Variants in PRMT5 observed in about 807,000 individuals in gnomAD.
PRMT5 encodes the protein protein arginine N-methyltransferase 5.
PRMT5 carries 15 observed loss-of-function variants against 84.0 expected under a neutral mutation model. The ratio of observed to expected loss-of-function variants is 0.18; its 90% CI spans 0.12 to 0.28. The LOEUF (loss-of-function observed/expected upper bound fraction) is 0.28, where lower values mean the gene tolerates loss of function less well. PRMT5 is among the 10% of genes least tolerant of loss of function. The pLI is 1.00. For missense variants in PRMT5, 486 were observed against 808.0 expected, an observed-to-expected ratio of 0.60 and a Z score of 4.83; for synonymous variants, 276 against 292.4, an observed-to-expected ratio of 0.94 and a Z score of 0.57.
In PRMT5 at chr14:22,923,933, T is replaced by C; in HGVS notation, c.1375+75A>G. On this transcript the variant is annotated intron_variant, in intron 12 of 16. Coordinates refer to ENST00000324366, the MANE Select transcript of PRMT5 (RefSeq NM_006109.5). The surrounding 1 kb of genome is among the most constrained non-coding windows in gnomAD (Gnocchi z 5.2). ...GACCCAGGTCCAACCCACTTTCCCC[T>C]AAACCCTGTACCCTCCTCCCAGGTT... 1 of 1,493,874 alleles carries C rather than the reference T, an allele frequency of 6.7e-7. No homozygotes were observed. The highest frequency in any genetic ancestry group is 8.9e-7 in the Non-Finnish European group (1 of 1,120,444). The allele number at this position is 1,493,874 out of a possible 1,614,324, so 92.5% of individuals were successfully genotyped here. A position where few individuals can be genotyped will look rare whatever the true frequency, so the allele number is the denominator to read the frequency against.
intron 4 of PRMT5, among the ~76,000 whole-genome samples, chr14:22,927,079 C>G (rs539859546): frequency 6.7e-6 from 1 of 150,064 alleles, no homozygotes; most frequent in African/African-American, 2.5e-5. Flanking sequence ...GTGCGCAATA[C>G]TGACCTTTTT....
intron 6 of PRMT5, 43 bp downstream of exon 6, chr14:22,926,463 G>A (rs1214837232): frequency 6.2e-7 from 1 of 1,607,638 alleles, no homozygotes; most frequent in African/African-American, 1.3e-5. Context: ...ATTCACAGGA[G>A]GTAAGAGAAG....
Position 22,927,009 on chromosome 14 carries a change from T to A in PRMT5, c.451-195A>T, listed in dbSNP as rs1226052731. ...ATATCTGCCTTGTCTTACGTAAGTT[T>A]CCAAAATAATTACATTTACATGTTT... On this transcript the variant is annotated intron_variant, in intron 4 of 16. Transcript: ENST00000324366. The A allele has an allele frequency of 6.9e-6, 4 of 579,676 alleles. No homozygotes were observed. In the East Asian group the frequency reaches 1.1e-4, roughly 17 times the overall value. 35.9% of individuals were successfully genotyped at this position (579,676 alleles called of 1,614,324 possible). A position where few individuals can be genotyped will look rare whatever the true frequency, so the allele number is the denominator to read the frequency against.
At position 22,923,225 on chromosome 14, in the gene PRMT5, G is replaced by T; in HGVS notation, c.1376-65C>A. Reference sequence around the variant, plus strand: ...AAATGGTATGTCTGTACTAACTGAAGGATCAGAAGGATCAAACCTCCCATG... The same window carrying T: ...AAATGGTATGTCTGTACTAACTGAATGATCAGAAGGATCAAACCTCCCATG... On this transcript the variant is annotated intron_variant, in intron 12 of 16. Transcript: ENST00000324366. This position sits in a 1 kb window ranked among gnomAD's most constrained non-coding sequence, Gnocchi z 5.2. 1.6e-6 allele frequency: 2 copies of T among 1,223,130 alleles called. No homozygotes were observed. The highest frequency in any genetic ancestry group is 2.3e-6 in the Non-Finnish European group (2 of 880,596). 75.8% of individuals were successfully genotyped at this position (1,223,130 alleles called of 1,614,324 possible). A position where few individuals can be genotyped will look rare whatever the true frequency, so the allele number is the denominator to read the frequency against.
Position 22,922,509 on chromosome 14 carries a change from C to T in PRMT5, c.1630G>A (p.Val544Met), listed in dbSNP as rs758252400. The T allele has an allele frequency of 2.5e-6, 4 of 1,614,074 alleles. No homozygotes were observed. Among genetic ancestry groups the T allele is most frequent in the Non-Finnish European group, 3.4e-6 (4 of 1,180,024 alleles). Residue 544 changes from valine (V) to methionine (M), a missense_variant, in exon 15 of 17, where the codon GTG becomes ATG. By Grantham distance (21) the Val-to-Met change is conservative. Coordinates refer to ENST00000324366, the MANE Select transcript of PRMT5 (RefSeq NM_006109.5). ...RYCTLEFPVE[V>M]NTVLHGFAGY... is the part of the protein sequence containing the mutation. ...GCAAAGCCATGTAGTACTGTGTTCACCTCCACAGGAAATTCCAAGGTGCAA... is the reference window on the plus strand; with the variant it reads ...GCAAAGCCATGTAGTACTGTGTTCATCTCCACAGGAAATTCCAAGGTGCAA...
intron 16 of PRMT5, 31 bp from the exon 17 acceptor site, chr14:22,921,087 T>C (rs1594507015): frequency 6.2e-7 from 1 of 1,612,164 alleles, no homozygotes; most frequent in Non-Finnish European, 8.5e-7. Flanking sequence ...AGGTTCAGGG[T>C]GAAGCTATGA....
Position 22,928,642 on chromosome 14 carries a change from T to C in PRMT5, c.111-27A>G, listed in dbSNP as rs1419035919. 1 of 1,540,636 alleles carries C rather than the reference T, an allele frequency of 6.5e-7. No individual in the cohort carries two copies. The highest frequency in any genetic ancestry group is 9.0e-7 in the Non-Finnish European group (1 of 1,113,218). The stretch of plus-strand genomic sequence containing the variant: ...TACAACCGCGACAGACCCAGAATCA[T>C]GTAAAGACAGCAGCAGTGCCAGAGA... On this transcript the variant is annotated intron_variant, in intron 1 of 16. Transcript: ENST00000324366. This position sits in a 1 kb window ranked among gnomAD's most constrained non-coding sequence, Gnocchi z 4.8.
chr14:22,925,873 C>G (rs2044408127), intron 7 of PRMT5, among the ~76,000 whole-genome samples: 1 of 151,908 alleles, frequency 6.6e-6, no homozygotes. Flanking sequence ...GTATCAACAC[C>G]CAAACAGCCT....
chr14:22,925,025 T>G lies in PRMT5; in HGVS notation c.793A>C (p.Ile265Leu), dbSNP rs2044386452. The G allele has an allele frequency of 6.2e-7, 1 of 1,613,874 alleles. No individual in the cohort carries two copies. The highest frequency in any genetic ancestry group is 8.5e-7 in the Non-Finnish European group (1 of 1,179,972). ...GAGTGGTGGTTGGTGCCTGTGATGA[T>G]GAACTGCACCTCCAACTGTGAGAAA... ...FRLLKLEVQF[I>L]ITGTNHHSEK... The change falls in exon 8 of 17, where the codon ATC becomes CTC. Residue 265 changes from isoleucine to leucine, a missense_variant. Around this residue, in one of 4 missense-constraint regions of PRMT5, gnomAD observed 215 missense variants for 301.1 expected, o/e 0.71. Transcript: ENST00000324366.
intron 1 of PRMT5, 137 bp downstream of exon 1, chr14:22,929,115 C>A: frequency 6.2e-7 from 1 of 1,604,802 alleles, no homozygotes; most frequent in Non-Finnish European, 8.5e-7. Flanking sequence ...GAGGCTCCTC[C>A]CCTCCAAAGA....
Position 22,923,236 on chromosome 14 carries a change from A to C in PRMT5, c.1376-76T>G. ...CTGTACTAACTGAAGGATCAGAAGGATCAAACCTCCCATGTCAAAACCAAC... is the reference window on the plus strand; with the variant it reads ...CTGTACTAACTGAAGGATCAGAAGGCTCAAACCTCCCATGTCAAAACCAAC... On this transcript the variant is annotated intron_variant, in intron 12 of 16. Transcript: ENST00000324366. This position sits in a 1 kb window ranked among gnomAD's most constrained non-coding sequence, Gnocchi z 5.2. The C allele has an allele frequency of 2.6e-6, 3 of 1,170,082 alleles. No individual in the cohort carries two copies. 72.5% of individuals were successfully genotyped at this position (1,170,082 alleles called of 1,614,324 possible).
At position 22,922,168 on chromosome 14, in the gene PRMT5, G is replaced by T. The variant is rs1195132226; in HGVS notation, c.1761+8C>A. 1 of 1,558,370 alleles carries T rather than the reference G, an allele frequency of 6.4e-7. No individual in the cohort carries two copies. On this transcript the variant is annotated splice_region_variant and intron_variant, in intron 16 of 16. Transcript: ENST00000324366. ...GCTTAACTAGAGAGTCTTAAAAGCA[G>T]TTCCTACCTTAATAGGGAAGAGGAT...
rs748935857 is a variant in PRMT5 at position 22,922,558 on chromosome 14, A to T, written c.1581T>A (p.Asp527Glu). ...PCFTFSHPNR[D>E]PMIDNNRYCT... is the part of the protein sequence containing the mutation. ...AATAGCGGTTGTTGTCAATCATAGG[A>T]TCTGTCAGGAAATAATTATGTGGGT... Residue 527 changes from aspartate to glutamate, a missense_variant and splice_region_variant, in exon 15 of 17, where the codon GAT becomes GAA. Coordinates refer to ENST00000324366, the MANE Select transcript of PRMT5 (RefSeq NM_006109.5). 6.2e-6 allele frequency: 10 copies of T among 1,610,034 alleles called. No individual in the cohort carries two copies. In the Admixed American group the frequency reaches 1.7e-4, roughly 27 times the overall value.
chr14:22,920,916 G>C lies in PRMT5; in HGVS notation c.1902C>G (p.Thr634=). The C allele has an allele frequency of 6.2e-7, 1 of 1,614,206 alleles. No homozygotes were observed. The highest frequency in any genetic ancestry group is 1.7e-5 in the Admixed American group (1 of 60,032). ...AIHNPTGRSY[T]IGL Reference sequence around the variant, plus strand: ...TTGGCACGCAGGGCTAGAGGCCAATGGTATATGAGCGGCCTGTGGGGTTAT... The same window carrying C: ...TTGGCACGCAGGGCTAGAGGCCAATCGTATATGAGCGGCCTGTGGGGTTAT... The change falls in exon 17 of 17, where the codon ACC becomes ACG. Residue 634 remains threonine (T), a synonymous_variant. Transcript: ENST00000324366.
In PRMT5 at chr14:22,922,817, A is replaced by G. The variant is rs1256028136; in HGVS notation, c.1504T>C (p.Tyr502His). Residue 502 changes from tyrosine to histidine, a missense_variant, in exon 14 of 17, where the codon TAT becomes CAT. Tyr to His is a moderately conservative substitution (Grantham distance 83). Coordinates refer to ENST00000324366, the MANE Select transcript of PRMT5 (RefSeq NM_006109.5). ...RDPEAQFEMP[Y>H]VVRLHNFHQL... ...TGGAAGTTGTGCAGCCGTACCACAT[A>G]AGGCATCTCAAACTGGGCCTGTCAG... 6.2e-7 allele frequency: 1 copy of G among 1,613,806 alleles called. No homozygotes were observed. Among genetic ancestry groups the G allele is most frequent in the Admixed American group, 1.7e-5 (1 of 59,990 alleles).
At position 22,923,130 on chromosome 14, in the gene PRMT5, G is replaced by T. The variant is rs1190245214; in HGVS notation, c.1406C>A (p.Thr469Asn). The change falls in exon 13 of 17, where the codon ACT becomes AAT. Residue 469 changes from threonine to asparagine, a missense_variant. Physicochemically the swap from Thr to Asn is moderately conservative, Grantham distance 65 (BLOSUM62 0). Around this residue, in one of 4 missense-constraint regions of PRMT5, gnomAD observed 219 missense variants for 433.6 expected, o/e 0.51. Coordinates refer to ENST00000324366, the MANE Select transcript of PRMT5 (RefSeq NM_006109.5). The surrounding 1 kb of genome is among the most constrained non-coding windows in gnomAD (Gnocchi z 5.2). ...GGAAGAGATGGGAGCCAGAAAGGAA[G>T]TGTACTCCCCGGGGATGCTCACACC... ...DDGVSIPGEY[T>N]SFLAPISSSK... 1.2e-6 allele frequency: 2 copies of T among 1,613,496 alleles called. No homozygotes were observed. Among genetic ancestry groups the T allele is most frequent in the Non-Finnish European group, 1.7e-6 (2 of 1,179,856 alleles).
chr14:22,927,036 G>A (rs2044435301), intron 4 of PRMT5: 5 of 522,056 alleles, frequency 9.6e-6, no homozygotes, highest in Non-Finnish European at 1.7e-5. Context: ...TACATGTTTT[G>A]AAACTCTCTT....
chr14:22,921,884 T>TA (rs34529278), intron 16 of PRMT5, among the ~76,000 whole-genome samples: 55,183 of 119,820 alleles, frequency 0.46, 15,310 homozygotes, highest in East Asian at 0.78. Flanking sequence ...TCCGTCTCTT[T>TA]AAAAAAAAAA....
chr14:22,923,494 ATATT>A lies in PRMT5; in HGVS notation c.1376-338_1376-335del, dbSNP rs72266907. ...AAGCTAAGCTCAGGGTACATATGTCATATTTATTTATTTATTTATTTATTTATTT... is the reference window on the plus strand; with the variant it reads ...AAGCTAAGCTCAGGGTACATATGTCATATTTATTTATTTATTTATTTATTT... On this transcript the variant is annotated intron_variant, in intron 12 of 16. Coordinates refer to ENST00000324366, the MANE Select transcript of PRMT5 (RefSeq NM_006109.5). This position sits in a 1 kb window ranked among gnomAD's most constrained non-coding sequence, Gnocchi z 5.2. The A allele has an allele frequency of 0.46, 67,812 of 148,160 alleles. 18,705 individuals are homozygous for A. Among genetic ancestry groups the A allele is most frequent in the East Asian group, 0.78 (3,870 of 4,966 alleles). The allele number at this position is 148,160 out of a possible 1,614,324, so 9.2% of individuals were successfully genotyped here.
Sources: gnomAD v4.1 joint callset for allele counts (sites outside exome capture counted in the v4.1 genomes callset) on GRCh38, gnomAD v4.1.1 for gene constraint, gnomAD v4.1.1 regional missense constraint, Gnocchi (gnomAD v3.1) non-coding constraint, MANE v1.5 for transcripts, NCBI Gene and HGNC (gene_info 2026-07-23, HGNC 2026-07-21) for gene names.